The following GFRA1 variants were observed in gnomAD, a reference collection of about 807,000 sequenced individuals.
GFRA1 encodes GDNF family receptor alpha 1, also known as GDNF family receptor alpha-1.
GFRA1 carries 16 observed loss-of-function variants against 51.6 expected under a neutral mutation model. The observed-to-expected ratio is 0.31, with a 90% confidence interval of 0.21 to 0.47. The LOEUF is 0.47. Among genes scored for constraint, GFRA1 ranks in the 20% least tolerant of loss-of-function variants. The pLI is 1.00. For missense variants in GFRA1, 530 were observed against 594.3 expected (o/e 0.89, Z 1.13); for synonymous variants, 270 against 241.3 (o/e 1.12, Z -1.10).
chr10:116,125,220 C>G lies in GFRA1; in HGVS notation c.770+1G>C, dbSNP rs1275785268. On this transcript the variant is annotated splice_donor_variant, in intron 6 of 10. Coordinates refer to ENST00000355422, the MANE Select transcript of GFRA1 (RefSeq NM_005264.8). LOFTEE classifies it high-confidence loss of function. ...ATCACCAGCTGCCAGTGCCCACTTA[C>G]CTGCAGATGTAATTCGTCTTGCAGG... 6.2e-7 allele frequency: 1 copy of G among 1,613,216 alleles called. No individual in the cohort carries two copies. The highest frequency in any genetic ancestry group is 1.7e-5 in the Admixed American group (1 of 60,032).
At chr10:116,176,860 C>G (rs1482530924) in intron 5 of GFRA1, among the ~76,000 whole-genome samples, 1 of 152,086 alleles carries the variant, frequency 6.6e-6, no homozygotes, top group Admixed American at 6.6e-5. Context: ...AATAGACAAC[C>G]AAGAGATCAC....
chr10:116,062,502 C>T lies in GFRA1; in HGVS notation c.*1896G>A, dbSNP rs1205461189. On this transcript the variant is annotated 3_prime_UTR_variant, in exon 11 of 11. Transcript: ENST00000355422. ...TTGGACACAAATATACTTTTAACAC[C>T]AATAGAGCTGAAAGACTATGCCTTT... 5.9e-6 allele frequency: 1 copy of T among 169,378 alleles called. No homozygotes were observed. The highest frequency in any genetic ancestry group is 2.4e-5 in the African/African-American group (1 of 42,210). 10.5% of individuals were successfully genotyped at this position (169,378 alleles called of 1,614,324 possible). A position where few individuals can be genotyped will look rare whatever the true frequency, so the allele number is the denominator to read the frequency against.
rs200376732 is a variant in GFRA1 at position 116,082,470 on chromosome 10, G to GT, written c.1197+7270dup. 5.7e-3 allele frequency among the ~76,000 whole-genome samples: 686 copies of GT among 121,042 alleles called. 2 individuals carry two copies. Among genetic ancestry groups the GT allele is most frequent in the Non-Finnish European group, 8.0e-3 (525 of 65,352 alleles). The allele number at this position is 121,042 out of a possible 152,430, so 79.4% of individuals were successfully genotyped here. A position where few individuals can be genotyped will look rare whatever the true frequency, so the allele number is the denominator to read the frequency against. On this transcript the variant is annotated intron_variant, in intron 9 of 10. Transcript: ENST00000355422. ...TCAGCTCAAACCGCCCCTTGCTTTT[G>GT]TTTTTTTTGTTTTTTTTTTGAGACG... is the stretch of plus-strand genomic sequence containing the variant.
chr10:116,211,933 C>G (rs898359345), intron 4 of GFRA1, among the ~76,000 whole-genome samples: 5 of 152,132 alleles, frequency 3.3e-5, no homozygotes, highest in Non-Finnish European at 5.9e-5. Flanking sequence ...TGATGTCATA[C>G]ATTTTAAGAG....
chr10:116,172,351 A>C (rs1203634341), intron 5 of GFRA1, among the ~76,000 whole-genome samples: 1 of 152,092 alleles, frequency 6.6e-6, no homozygotes, highest in African/African-American at 2.4e-5. Context: ...TCTGTTCCCC[A>C]TTGAAGTGGT....
chr10:116,267,718 G>A (rs1232115187), intron 4 of GFRA1, among the ~76,000 whole-genome samples: 1 of 152,082 alleles, frequency 6.6e-6, no homozygotes, highest in African/African-American at 2.4e-5. Context: ...CCCCATCCCA[G>A]TTTCTACAGA....
At chr10:116,195,918 G>C (rs1247175304) in intron 5 of GFRA1, among the ~76,000 whole-genome samples, 1 of 152,148 alleles carries the variant, frequency 6.6e-6, no homozygotes, top group Non-Finnish European at 1.5e-5. Context: ...TCATCAGCCA[G>C]AGATGAAGAC....
At chr10:116,274,161 AC>A (rs1340050871), upstream of GFRA1, among the ~76,000 whole-genome samples, 2 of 145,318 alleles carry the variant, frequency 1.4e-5, no homozygotes, top group African/African-American at 2.5e-5. Flanking sequence ...CGTGCTGCTC[AC>A]CCCCCGCCCC....
intron 6 of GFRA1, among the ~76,000 whole-genome samples, chr10:116,115,155 A>C (rs977192361): frequency 6.6e-6 from 1 of 152,204 alleles, no homozygotes; most frequent in African/African-American, 2.4e-5. Context: ...GCCTTTGGAA[A>C]TGACGAGCAA....
chr10:116,220,884 T>A (rs1056052300), intron 4 of GFRA1, among the ~76,000 whole-genome samples: 3 of 152,176 alleles, frequency 2.0e-5, no homozygotes, highest in Non-Finnish European at 2.9e-5. Context: ...TCATTAGAAC[T>A]CCCTGCTATA....
At chr10:116,203,642 C>T (rs940098185) in intron 5 of GFRA1, among the ~76,000 whole-genome samples, 1 of 152,176 alleles carries the variant, frequency 6.6e-6, no homozygotes, top group South Asian at 2.1e-4. Flanking sequence ...ACCCTCCTGC[C>T]CAAGCAGGAG....
intron 5 of GFRA1, among the ~76,000 whole-genome samples, chr10:116,211,097 A>G (rs1193958824): frequency 6.6e-6 from 1 of 152,146 alleles, no homozygotes; most frequent in African/African-American, 2.4e-5. Context: ...ATGACACTGC[A>G]CACCCTCACC....
intron 5 of GFRA1, among the ~76,000 whole-genome samples, chr10:116,153,381 G>C (rs891620866): frequency 1.3e-5 from 2 of 152,178 alleles, no homozygotes; most frequent in Admixed American, 1.3e-4. Context: ...GTGAGGACTA[G>C]GATACATGTG....
chr10:116,270,792 C>T (rs750093521), intron 3 of GFRA1, 30 bp downstream of exon 3: 14 of 1,386,720 alleles, frequency 1.0e-5, no homozygotes, highest in African/African-American at 8.7e-5. Flanking sequence ...GGGAGGGACA[C>T]GGGGTGGGGT....
chr10:116,161,146 G>T lies in GFRA1; in HGVS notation c.434-35589C>A, dbSNP rs76782658. ...CCTGGTGCTGGGCTTCATCTTTGAG[G>T]GTGACTGGATAGACAGGAGGGGTAG... On this transcript the variant is annotated intron_variant, in intron 5 of 10. Coordinates refer to ENST00000355422, the MANE Select transcript of GFRA1 (RefSeq NM_005264.8). Among the ~76,000 whole-genome samples the T allele has an allele frequency of 7.2e-5, 11 of 152,246 alleles. No homozygotes were observed. In the East Asian group the frequency reaches 1.7e-3, roughly 24 times the overall value.
At chr10:116,177,885 C>T (rs1300781926) in intron 5 of GFRA1, among the ~76,000 whole-genome samples, 1 of 152,104 alleles carries the variant, frequency 6.6e-6, no homozygotes, top group African/African-American at 2.4e-5. Context: ...ATGAAAGTGT[C>T]CACCAGAGAG....
chr10:116,196,586 TAC>T (rs1963801670), intron 5 of GFRA1, among the ~76,000 whole-genome samples: 2 of 14,486 alleles, frequency 1.4e-4, no homozygotes, highest in Non-Finnish European at 4.8e-4. Flanking sequence ...TAATATATAG[TAC>T]TATATATAAT....
At chr10:116,164,404 T>C (rs1229751876) in intron 5 of GFRA1, among the ~76,000 whole-genome samples, 1 of 152,104 alleles carries the variant, frequency 6.6e-6, no homozygotes, top group Non-Finnish European at 1.5e-5. Flanking sequence ...TGTAACCAAT[T>C]AGTCTCTTTT....
chr10:116,270,835 G>A lies in GFRA1; in HGVS notation c.321C>T (p.Tyr107=). 4 of 1,613,438 alleles carry A rather than the reference G, an allele frequency of 2.5e-6. No homozygotes were observed. Among genetic ancestry groups the A allele is most frequent in the Non-Finnish European group, 3.4e-6 (4 of 1,179,882 alleles). The change falls in exon 3 of 11, where the codon TAC becomes TAT. Residue 107 remains tyrosine (Y), a synonymous_variant. Coordinates refer to ENST00000355422, the MANE Select transcript of GFRA1 (RefSeq NM_005264.8). ...KNCLRIYWSM[Y]QSLQGNDLLE... is the part of the protein sequence containing the mutation. Reference sequence around the variant, plus strand: ...TTCCACGCGTACCCTGCAGGCTCTGGTACATGCTCCAGTAAATGCGCAGGC... The same window carrying A: ...TTCCACGCGTACCCTGCAGGCTCTGATACATGCTCCAGTAAATGCGCAGGC...
Sources: allele counts gnomAD v4.1 joint callset (sites outside exome capture counted in the v4.1 genomes callset), GRCh38; gene constraint gnomAD v4.1.1; transcripts MANE v1.5; gene names NCBI Gene and HGNC (gene_info 2026-07-23, HGNC 2026-07-21).